OVCH1: variants seen among roughly 807,000 people sequenced by gnomAD.
The protein encoded by OVCH1 is ovochymase-1.
OVCH1 carries 139 observed loss-of-function variants against 138.4 expected under a neutral mutation model. The ratio of observed to expected loss-of-function variants is 1.00; its 90% CI spans 0.87 to 1.16. The LOEUF (loss-of-function observed/expected upper bound fraction) is 1.16. OVCH1 is among the 50% of genes most tolerant of loss of function. The pLI, the probability that OVCH1 is intolerant of heterozygous loss-of-function variation, is 0.00. For missense variants in OVCH1, 1,367 were observed against 1,357.9 expected, an observed-to-expected ratio of 1.01 and a Z score of -0.11; for synonymous variants, 453 against 467.8, an observed-to-expected ratio of 0.97 and a Z score of 0.41.
chr12:29,430,102 GTAT>G (rs1437712891), intron 27 of OVCH1, among the ~76,000 whole-genome samples: 2 of 152,134 alleles, frequency 1.3e-5, no homozygotes, highest in Admixed American at 6.5e-5. Context: ...TAAGATACAG[GTAT>G]TATTATCTTC....
chr12:29,479,010 G>T, intron 8 of OVCH1, 42 bp from the exon 10 acceptor site: 1 of 714,976 alleles, frequency 1.4e-6, no homozygotes, highest in Non-Finnish European at 2.1e-6. Context: ...AAATGGAAGA[G>T]TCAGATTTGC....
Position 29,470,838 on chromosome 12 carries a change from G to A in OVCH1, c.1856+964C>T, listed in dbSNP as rs985036388. On this transcript the variant is annotated intron_variant, in intron 16 of 27. Transcript: ENST00000318184. ...GAACTAATTTACATTCCCACCAACAGTGTAAAAGCGTTCCTATTTCTCTAC... is the reference window on the plus strand; with the variant it reads ...GAACTAATTTACATTCCCACCAACAATGTAAAAGCGTTCCTATTTCTCTAC... Among the ~76,000 whole-genome samples, 20 of 152,146 alleles carry A rather than the reference G, an allele frequency of 1.3e-4. 1 individual carries two copies. The highest frequency in any genetic ancestry group is 1.3e-3 in the Admixed American group (20 of 15,268).
chr12:29,458,684 A>C (rs1942031528), intron 19 of OVCH1, among the ~76,000 whole-genome samples: 1 of 152,202 alleles, frequency 6.6e-6, no homozygotes, highest in Admixed American at 6.5e-5. Flanking sequence ...ACTGCAAAGG[A>C]AACAAAGCCA....
intron 16 of OVCH1, among the ~76,000 whole-genome samples, chr12:29,466,348 TAAA>T (rs1456747089): frequency 1.4e-5 from 2 of 144,756 alleles, no homozygotes; most frequent in East Asian, 3.9e-4. Flanking sequence ...ATTTGTTTAA[TAAA>T]TAATAAAAAT....
chr12:29,425,683 A>G (rs1479291753), downstream of OVCH1, among the ~76,000 whole-genome samples: 3 of 152,188 alleles, frequency 2.0e-5, no homozygotes, highest in Admixed American at 6.5e-5. Context: ...ACCTACCTAC[A>G]TAAGATTGTT....
At chr12:29,496,593 C>T in exon 2 of OVCH1, 2 of 1,613,470 alleles carry the variant, frequency 1.2e-6, no homozygotes, top group South Asian at 1.1e-5. Context: ...ATTTCTCCAA[C>T]TACTAATTCT....
intron 8 of OVCH1, among the ~76,000 whole-genome samples, chr12:29,483,183 G>T (rs1301496320): frequency 4.6e-5 from 7 of 151,960 alleles, no homozygotes; most frequent in Non-Finnish European, 1.0e-4. Flanking sequence ...TCCCATCTTG[G>T]TCATTTTCCT....
intron 14 of OVCH1, among the ~76,000 whole-genome samples, chr12:29,474,647 G>C (rs921504147): frequency 2.0e-5 from 3 of 152,152 alleles, no homozygotes; most frequent in Non-Finnish European, 4.4e-5. Flanking sequence ...GAGGGTTTCT[G>C]CATATGATAT....
intron 27 of OVCH1, chr12:29,427,760 G>A (rs1208303488): frequency 1.4e-6 from 2 of 1,394,622 alleles, no homozygotes; most frequent in Non-Finnish European, 1.9e-6. Flanking sequence ...GTAGCAACAG[G>A]GGTCTATATT....
In OVCH1 at chr12:29,432,567, A is replaced by G. The variant is rs1941288513; in HGVS notation, c.3327+1184T>C. On this transcript the variant is annotated intron_variant, in intron 27 of 27. Transcript: ENST00000318184. ...ATGTTAAGTTTGAGATTCTTATTAGATAGCCAAGTGGAAGGGGAGACACTT... is the reference window on the plus strand; with the variant it reads ...ATGTTAAGTTTGAGATTCTTATTAGGTAGCCAAGTGGAAGGGGAGACACTT... Among the ~76,000 whole-genome samples, 3 of 152,164 alleles carry G rather than the reference A, an allele frequency of 2.0e-5. No individual in the cohort carries two copies. In the East Asian group the frequency reaches 5.8e-4, roughly 29 times the overall value.
chr12:29,429,585 A>G (rs115684182), intron 27 of OVCH1, among the ~76,000 whole-genome samples: 104 of 152,380 alleles, frequency 6.8e-4, no homozygotes, highest in African/African-American at 2.5e-3. Flanking sequence ...CATAAATATT[A>G]TATAATCCCA....
At chr12:29,421,060 C>A (rs185216139) in intron 3 of OVCH1, among the ~76,000 whole-genome samples, 1 of 152,344 alleles carries the variant, frequency 6.6e-6, no homozygotes, top group Admixed American at 6.5e-5. Flanking sequence ...GAATGCACTG[C>A]TGCCAGGACC....
chr12:29,476,627 T>C (rs1447521616), intron 12 of OVCH1, among the ~76,000 whole-genome samples: 2 of 152,182 alleles, frequency 1.3e-5, no homozygotes, highest in Admixed American at 6.5e-5. Context: ...ACTGGTTTAA[T>C]GTGTTCTGAA....
chr12:29,403,079 T>A, the OVCH1 span, among the ~76,000 whole-genome samples: 1 of 152,198 alleles, frequency 6.6e-6, no homozygotes, highest in Non-Finnish European at 1.5e-5. Context: ...GATTCCTAAT[T>A]TAAGTATATA....
chr12:29,445,343 C>G, exon 23 of OVCH1: 2 of 1,611,652 alleles, frequency 1.2e-6, no homozygotes, highest in Non-Finnish European at 1.7e-6. Flanking sequence ...GAATGTCACC[C>G]TCACCAGCGG....
intron 26 of OVCH1, among the ~76,000 whole-genome samples, chr12:29,434,763 TAAA>T (rs1331845793): frequency 1.3e-5 from 2 of 152,042 alleles, no homozygotes; most frequent in East Asian, 3.9e-4. Flanking sequence ...TTGAGCAAAG[TAAA>T]AAATTCTTAT....
downstream of OVCH1, among the ~76,000 whole-genome samples, chr12:29,412,172 T>C (rs113630892): frequency 0.56 from 85,409 of 151,662 alleles, 26,111 homozygotes; most frequent in Middle Eastern, 0.78. Context: ...GCGCAGTACT[T>C]GGGCAGGAGT....
exon 18 of OVCH1, chr12:29,464,663 T>A: frequency 6.2e-7 from 1 of 1,613,532 alleles, no homozygotes. Flanking sequence ...CTTAGTGTGT[T>A]AAAGTCTTCA....
intron 16 of OVCH1, among the ~76,000 whole-genome samples, chr12:29,471,220 A>T (rs935180505): frequency 6.6e-6 from 1 of 152,206 alleles, no homozygotes; most frequent in Admixed American, 6.5e-5. Context: ...CAAATATATT[A>T]TGTATATTAT....
Sources: allele counts gnomAD v4.1 joint callset (sites outside exome capture counted in the v4.1 genomes callset), GRCh38; gene constraint gnomAD v4.1.1; transcripts MANE v1.5; gene names NCBI Gene and HGNC (gene_info 2026-07-23, HGNC 2026-07-21).